Variants in CCDC171 observed in about 807,000 individuals in gnomAD.
CCDC171 encodes coiled-coil domain-containing protein 171.
CCDC171 carries 177 observed loss-of-function variants against 168.2 expected under a neutral mutation model. The observed-to-expected ratio is 1.05, with a 90% CI of 0.93 to 1.19. The LOEUF (loss-of-function observed/expected upper bound fraction) is 1.19. CCDC171 is among the 50% of genes most tolerant of loss of function. The pLI is 0.00. For missense variants in CCDC171, 1,991 were observed against 1,539.0 expected, an observed-to-expected ratio of 1.29 and a Z score of -4.91; for synonymous variants, 687 against 540.8, an observed-to-expected ratio of 1.27 and a Z score of -3.75.
chr9:15,695,671 G>C (rs1272511555), intron 11 of CCDC171, among the ~76,000 whole-genome samples: 1 of 152,128 alleles, frequency 6.6e-6, no homozygotes, highest in Non-Finnish European at 1.5e-5. Flanking sequence ...CGATCAAACT[G>C]AGCCAAATTC....
chr9:16,084,385 A>C, the CCDC171 span, among the ~76,000 whole-genome samples: 49,984 of 151,704 alleles, frequency 0.33, 9,595 homozygotes, highest in African/African-American at 0.54. Context: ...TCCTCTCTCT[A>C]CTTGGCATTC....
At position 15,678,738 on chromosome 9, in the gene CCDC171, C is replaced by G. The variant is rs896004580; in HGVS notation, c.1077-20C>G. ...TGTAAGCATGTTTGAAAAACCTGCTCTGACACTTTAACTTTTCAGATTAGA... is the reference window on the plus strand; with the variant it reads ...TGTAAGCATGTTTGAAAAACCTGCTGTGACACTTTAACTTTTCAGATTAGA... On this transcript the variant is annotated intron_variant, in intron 9 of 25. Transcript: ENST00000380701. The G allele has an allele frequency of 3.8e-6, 6 of 1,571,696 alleles. No homozygotes were observed. The highest frequency in any genetic ancestry group is 1.4e-5 in the African/African-American group (1 of 72,258).
intron 5 of CCDC171, among the ~76,000 whole-genome samples, chr9:15,593,832 A>G (rs2042156110): frequency 6.6e-6 from 1 of 152,032 alleles, no homozygotes. Context: ...GCCTATATAA[A>G]CAAGGTATAA....
intron 18 of CCDC171, among the ~76,000 whole-genome samples, chr9:15,754,793 T>C (rs1030263815): frequency 2.1e-4 from 32 of 152,172 alleles, no homozygotes; most frequent in Admixed American, 1.5e-3. Context: ...AATACATTTT[T>C]AAAGTGCTTA....
In CCDC171 at chr9:15,920,322, TGACATTAGA is replaced by T; in HGVS notation, c.3656_3664del (p.Thr1219_Glu1221del). 1 of 1,608,490 alleles carries T rather than the reference TGACATTAGA, an allele frequency of 6.2e-7. No homozygotes were observed. Among genetic ancestry groups the T allele is most frequent in the East Asian group, 2.2e-5 (1 of 44,706 alleles). ...TACCAGCTTGCAAGCACTAGAATCA[TGACATTAGA>T]GAAGGAAATGACATCTCATCGAAGT... On this transcript the variant is annotated inframe_deletion, in exon 25 of 26. Coordinates refer to ENST00000380701, the MANE Select transcript of CCDC171 (RefSeq NM_173550.4).
chr9:15,683,787 T>C (rs746049195), intron 10 of CCDC171, among the ~76,000 whole-genome samples: 9 of 152,082 alleles, frequency 5.9e-5, no homozygotes, highest in Non-Finnish European at 1.2e-4. Context: ...TGTGTATGTA[T>C]GTGTGTGAGA....
At chr9:15,896,559 A>T (rs1313366717) in intron 24 of CCDC171, among the ~76,000 whole-genome samples, 2 of 152,108 alleles carry the variant, frequency 1.3e-5, no homozygotes, top group African/African-American at 4.8e-5. Context: ...TACATGCAGC[A>T]TCACATCAAG....
chr9:15,948,677 T>C (rs1444635983), intron 25 of CCDC171, among the ~76,000 whole-genome samples: 1 of 151,404 alleles, frequency 6.6e-6, no homozygotes, highest in Non-Finnish European at 1.5e-5. Context: ...GGGGTTGTTT[T>C]TTTCTTTTAA....
At chr9:15,671,136 G>C (rs778994461) in intron 9 of CCDC171, among the ~76,000 whole-genome samples, 1 of 152,114 alleles carries the variant, frequency 6.6e-6, no homozygotes, top group Non-Finnish European at 1.5e-5. Context: ...CAACAGATGA[G>C]AATAGTTAAT....
chr9:16,073,869 A>T, the CCDC171 span, among the ~76,000 whole-genome samples: 2 of 152,134 alleles, frequency 1.3e-5, no homozygotes, highest in Admixed American at 1.3e-4. Flanking sequence ...AGGTGAGGTA[A>T]ACAAAGTAGA....
chr9:15,613,345 G>A (rs1044448184), intron 6 of CCDC171, among the ~76,000 whole-genome samples: 1 of 151,902 alleles, frequency 6.6e-6, no homozygotes, highest in Non-Finnish European at 1.5e-5. Context: ...TTTAGCATAG[G>A]TTAATTGATA....
chr9:15,662,645 A>G (rs571994867), intron 8 of CCDC171, among the ~76,000 whole-genome samples: 10 of 152,266 alleles, frequency 6.6e-5, no homozygotes, highest in Admixed American at 2.0e-4. Context: ...TAGGATATTG[A>G]CTGGCATATA....
At chr9:15,622,747 G>C (rs1313728876) in intron 6 of CCDC171, among the ~76,000 whole-genome samples, 1 of 152,172 alleles carries the variant, frequency 6.6e-6, no homozygotes, top group Non-Finnish European at 1.5e-5. Flanking sequence ...GCTAAGCAAA[G>C]ATTTGAAAGC....
chr9:15,997,106 A>T (rs1361120291), intron 3 of CCDC171, among the ~76,000 whole-genome samples: 1 of 152,146 alleles, frequency 6.6e-6, no homozygotes, highest in Non-Finnish European at 1.5e-5. Context: ...AGAAAGGAGG[A>T]TTGGGGAGGA....
intron 25 of CCDC171, among the ~76,000 whole-genome samples, chr9:15,961,956 C>T (rs944317609): frequency 5.3e-5 from 8 of 152,050 alleles, no homozygotes; most frequent in African/African-American, 1.7e-4. Flanking sequence ...CTACATGCCA[C>T]CTGTTTTTGT....
intron 11 of CCDC171, among the ~76,000 whole-genome samples, chr9:15,703,374 G>A (rs1398836336): frequency 6.6e-5 from 10 of 152,258 alleles, no homozygotes; most frequent in African/African-American, 2.4e-5. Flanking sequence ...CTAGAAAGGC[G>A]AATCCTTGTT....
chr9:16,029,371 T>C (rs1036299163), intron 6 of CCDC171, among the ~76,000 whole-genome samples: 1 of 152,236 alleles, frequency 6.6e-6, no homozygotes, highest in African/African-American at 2.4e-5. Context: ...AACCTCGTTT[T>C]AAAGGACTTG....
the CCDC171 span, among the ~76,000 whole-genome samples, chr9:16,085,180 C>T: frequency 6.6e-6 from 1 of 152,166 alleles, no homozygotes. Flanking sequence ...TCTTATCTAT[C>T]GACACTCCAT....
intron 18 of CCDC171, among the ~76,000 whole-genome samples, chr9:15,764,894 G>C (rs1256391832): frequency 6.6e-6 from 1 of 152,162 alleles, no homozygotes; most frequent in Non-Finnish European, 1.5e-5. Context: ...TTTGGGGAGT[G>C]AGTATAGCTA....
Sources: gnomAD v4.1 joint callset for allele counts (sites outside exome capture counted in the v4.1 genomes callset) on GRCh38, gnomAD v4.1.1 for gene constraint, MANE v1.5 for transcripts, NCBI Gene and HGNC (gene_info 2026-07-23, HGNC 2026-07-21) for gene names.